The following PCSK2 variants were observed in gnomAD, a reference collection of about 807,000 sequenced individuals.
The protein encoded by PCSK2 is proprotein convertase subtilisin/kexin type 2, also known as neuroendocrine convertase 2.
A neutral mutation model predicts 69.7 loss-of-function variants in PCSK2; 14 were observed. The ratio of observed to expected loss-of-function variants is 0.20; its 90% CI spans 0.13 to 0.31. The LOEUF (loss-of-function observed/expected upper bound fraction) is 0.31. Ranked by LOEUF, PCSK2 falls within the 10% of genes least tolerant of loss-of-function variation. The pLI, the probability that PCSK2 is intolerant of heterozygous loss-of-function variation, is 1.00. For missense variants in PCSK2, 544 were observed against 842.5 expected (o/e 0.65, Z 4.39); for synonymous variants, 307 against 320.7 (o/e 0.96, Z 0.46).
At chr20:17,235,064 T>TGTATA (rs1226420499) in intron 1 of PCSK2, among the ~76,000 whole-genome samples, 2 of 152,194 alleles carry the variant, frequency 1.3e-5, no homozygotes, top group Non-Finnish European at 2.9e-5. Context: ...CAGTCTGAAA[T>TGTATA]GTATAGTTGT....
chr20:17,361,617 C>T (rs2030399400), intron 4 of PCSK2, among the ~76,000 whole-genome samples: 1 of 152,192 alleles, frequency 6.6e-6, no homozygotes, highest in Non-Finnish European at 1.5e-5. Context: ...GAACAGAACA[C>T]TATGTTCCTT....
intron 2 of PCSK2, among the ~76,000 whole-genome samples, chr20:17,334,683 AT>A (rs1221191855): frequency 2.0e-5 from 3 of 152,176 alleles, no homozygotes; most frequent in African/African-American, 7.2e-5. Context: ...CTGGAAGAAA[AT>A]GTTCCTGCTC....
chr20:17,248,212 G>GTGTGTGTGTT (rs1986842729), intron 1 of PCSK2, among the ~76,000 whole-genome samples: 2 of 141,678 alleles, frequency 1.4e-5, no homozygotes, highest in African/African-American at 5.4e-5. Context: ...GTGTGTGTGT[G>GTGTGTGTGTT]TGTTTCAATG....
At chr20:17,347,881 A>G (rs1464296933) in intron 2 of PCSK2, among the ~76,000 whole-genome samples, 22 of 3,996 alleles carry the variant, frequency 5.5e-3, no homozygotes, top group Admixed American at 0.015. Context: ...AAAAAGAAAG[A>G]AAGAAAGAAA....
intron 1 of PCSK2, among the ~76,000 whole-genome samples, chr20:17,257,962 C>T (rs749295781): frequency 3.3e-4 from 50 of 152,270 alleles, no homozygotes; most frequent in Non-Finnish European, 6.8e-4. Flanking sequence ...AAATTGCAAC[C>T]TTAAAAATTT....
intron 6 of PCSK2, among the ~76,000 whole-genome samples, chr20:17,427,162 A>G (rs1359968336): frequency 6.6e-6 from 1 of 152,192 alleles, no homozygotes; most frequent in Non-Finnish European, 1.5e-5. Context: ...ATTTAATAGG[A>G]TAATACATGT....
chr20:17,275,084 C>CATATATATATATATAT lies in PCSK2; in HGVS notation c.282+14754_282+14769dup, dbSNP rs11474649. ...TCTTATTTTGTGCATATTATTTATA[C>CATATATATATATATAT]ATATATATATATATATATATATATA... On this transcript the variant is annotated intron_variant, in intron 2 of 11. Coordinates refer to ENST00000262545, the MANE Select transcript of PCSK2 (RefSeq NM_002594.5). Among the ~76,000 whole-genome samples the CATATATATATATATAT allele has an allele frequency of 3.2e-4, 45 of 141,522 alleles. 1 individual carries two copies. The highest frequency in any genetic ancestry group is 9.1e-4 in the African/African-American group (35 of 38,642). 92.8% of individuals were successfully genotyped at this position (141,522 alleles called of 152,430 possible).
chr20:17,295,494 TATTA>T (rs1216440430), intron 2 of PCSK2, among the ~76,000 whole-genome samples: 2 of 148,370 alleles, frequency 1.3e-5, no homozygotes, highest in Non-Finnish European at 3.0e-5. Context: ...CTTATTTATT[TATTA>T]TTTATTTATT....
At chr20:17,392,231 G>C (rs1600543383) in intron 5 of PCSK2, among the ~76,000 whole-genome samples, 1 of 152,274 alleles carries the variant, frequency 6.6e-6, no homozygotes, top group East Asian at 1.9e-4. Flanking sequence ...TGACAGGAAA[G>C]AACTCAGCAT....
intron 2 of PCSK2, among the ~76,000 whole-genome samples, chr20:17,317,243 T>C (rs1989716773): frequency 1.3e-5 from 2 of 152,204 alleles, no homozygotes; most frequent in South Asian, 4.1e-4. Flanking sequence ...TCCCCCAGTA[T>C]AAAGTGGTGG....
intron 7 of PCSK2, among the ~76,000 whole-genome samples, chr20:17,433,129 G>A (rs1276700538): frequency 6.6e-6 from 1 of 152,106 alleles, no homozygotes; most frequent in African/African-American, 2.4e-5. Context: ...ACCGGGCTTC[G>A]GGATGAGATC....
In PCSK2 at chr20:17,227,117, C is replaced by G; in HGVS notation, c.-189C>G. On this transcript the variant is annotated 5_prime_UTR_variant, in exon 1 of 12. Transcript: ENST00000262545. ...GCCGGGCCGCCTGACTGCACGGCTT[C>G]CCCTCCAGCCAGATGCTGGAGAACA... 1 of 563,720 alleles carries G rather than the reference C, an allele frequency of 1.8e-6. No homozygotes were observed. Among genetic ancestry groups the G allele is most frequent in the Non-Finnish European group, 3.1e-6 (1 of 320,056 alleles). 34.9% of individuals were successfully genotyped at this position (563,720 alleles called of 1,614,324 possible).
intron 2 of PCSK2, among the ~76,000 whole-genome samples, chr20:17,338,147 T>C (rs1600503059): frequency 1.5e-5 from 2 of 133,830 alleles, no homozygotes; most frequent in African/African-American, 5.4e-5. Context: ...TTCTTTCTTC[T>C]GAGAAGAAAC....
At chr20:17,357,303 A>G (rs769955680) in intron 2 of PCSK2, among the ~76,000 whole-genome samples, 7 of 152,090 alleles carry the variant, frequency 4.6e-5, no homozygotes, top group African/African-American at 1.4e-4. Flanking sequence ...CCATCCATCA[A>G]TTTCTTCTCA....
chr20:17,413,345 AGC>A (rs1568639003), intron 6 of PCSK2, among the ~76,000 whole-genome samples: 1 of 152,212 alleles, frequency 6.6e-6, no homozygotes, highest in Non-Finnish European at 1.5e-5. Context: ...AGATCTACCA[AGC>A]AAATGGAAAA....
intron 5 of PCSK2, among the ~76,000 whole-genome samples, chr20:17,400,548 G>C (rs1048655114): frequency 7.2e-5 from 11 of 151,972 alleles, no homozygotes; most frequent in Non-Finnish European, 1.2e-4. Flanking sequence ...CTCCATATGT[G>C]CTACCTGATA....
chr20:17,363,550 T>C (rs1299761501), intron 4 of PCSK2, among the ~76,000 whole-genome samples: 1 of 152,130 alleles, frequency 6.6e-6, no homozygotes, highest in African/African-American at 2.4e-5. Flanking sequence ...AATGTGATCA[T>C]GACAAGATAC....
At chr20:17,249,355 A>T (rs1986885401) in intron 1 of PCSK2, among the ~76,000 whole-genome samples, 1 of 151,784 alleles carries the variant, frequency 6.6e-6, no homozygotes, top group Non-Finnish European at 1.5e-5. Flanking sequence ...AAATACAAAA[A>T]AATTAGCCAG....
intron 2 of PCSK2, among the ~76,000 whole-genome samples, chr20:17,275,107 ATATAT>A (rs1568580377): frequency 7.7e-6 from 1 of 129,812 alleles, no homozygotes; most frequent in Non-Finnish European, 1.7e-5. Flanking sequence ...ATATATATAT[ATATAT>A]AATGTTGGGC....
Sources: allele counts gnomAD v4.1 joint callset (sites outside exome capture counted in the v4.1 genomes callset), GRCh38; gene constraint gnomAD v4.1.1; transcripts MANE v1.5; gene names NCBI Gene and HGNC (gene_info 2026-07-23, HGNC 2026-07-21).